TNS1: variants seen among roughly 807,000 people sequenced by gnomAD.
TNS1 encodes tensin 1, also known as tensin-1.
TNS1 carries 62 observed loss-of-function variants against 168.6 expected under a neutral mutation model. The ratio of observed to expected loss-of-function variants is 0.37; its 90% CI spans 0.30 to 0.45. The LOEUF is 0.45. Ranked by LOEUF, TNS1 falls within the 20% of genes least tolerant of loss-of-function variation. The probability of loss-of-function intolerance (pLI) is 1.00; values close to 1 mark genes in which losing one functional copy is unlikely to be tolerated. For synonymous variants in TNS1, 934 were observed against 933.2 expected, an observed-to-expected ratio of 1.00 and a Z score of -0.02; for missense variants, 2,240 against 2,339.4, an observed-to-expected ratio of 0.96 and a Z score of 0.88.
intron 1 of TNS1, among the ~76,000 whole-genome samples, chr2:218,019,450 A>AC (rs947944183): frequency 2.6e-5 from 4 of 152,226 alleles, no homozygotes; most frequent in Non-Finnish European, 4.4e-5. Flanking sequence ...GGTAGGAACT[A>AC]CCCCTAATCC....
chr2:217,966,268 C>T (rs1001402589), intron 3 of TNS1, among the ~76,000 whole-genome samples: 14 of 140,844 alleles, frequency 9.9e-5, no homozygotes, highest in African/African-American at 1.3e-4. Flanking sequence ...GAGCAGGCTG[C>T]GTGTGTGTGT....
intron 1 of TNS1, among the ~76,000 whole-genome samples, chr2:218,017,885 C>T (rs1016653170): frequency 1.3e-5 from 2 of 152,316 alleles, no homozygotes; most frequent in Non-Finnish European, 1.5e-5. Context: ...AGACGCTCCC[C>T]GCCAGAGCCC....
At position 217,832,113 on chromosome 2, in the gene TNS1, C is replaced by T. The variant is rs147652541; in HGVS notation, c.3281-566G>A. ...CAGAGCCACGCCAACCCTGAGACCTCAGGCCAGCCCTCGGCCAAGCATGTC... is the reference window on the plus strand; with the variant it reads ...CAGAGCCACGCCAACCCTGAGACCTTAGGCCAGCCCTCGGCCAAGCATGTC... On this transcript the variant is annotated intron_variant, in intron 21 of 32. Coordinates refer to ENST00000682258, the MANE Select transcript of TNS1 (RefSeq NM_001387777.1). Among the ~76,000 whole-genome samples the T allele has an allele frequency of 1.2e-3, 190 of 152,328 alleles. No individual in the cohort carries two copies. In the East Asian group the frequency reaches 0.014, roughly 11 times the overall value.
At chr2:217,878,716 T>C (rs907889197) in intron 18 of TNS1, among the ~76,000 whole-genome samples, 68 of 152,144 alleles carry the variant, frequency 4.5e-4, no homozygotes, top group African/African-American at 1.6e-3. Flanking sequence ...AAATGATTTG[T>C]TGACTGAATT....
At chr2:218,011,498 C>T, upstream of TNS1, among the ~76,000 whole-genome samples, 1 of 152,146 alleles carries the variant, frequency 6.6e-6, no homozygotes, top group Non-Finnish European at 1.5e-5. Flanking sequence ...GCCACTGGAG[C>T]CCAGCCAGAC....
In TNS1 at chr2:217,848,147, G is replaced by T. The variant is rs745579980; in HGVS notation, c.2370C>A (p.Arg790=). ...TCTCCAAGTGGGCTCTTTCCTGCTG[G>T]CGTGGAGGTGGGCGAGGCTGCTGCT... ...QQQQQPRPPP[R]QQERAHLESL... Residue 790 remains arginine, a synonymous_variant, in exon 19 of 33, where the codon CGC becomes CGA. Transcript: ENST00000682258. 169 of 1,600,728 alleles carry T rather than the reference G, an allele frequency of 1.1e-4. 1 individual carries two copies. The highest frequency in any genetic ancestry group is 9.8e-4 in the Admixed American group (58 of 58,922).
At chr2:217,856,306 G>A (rs1412504473) in intron 18 of TNS1, among the ~76,000 whole-genome samples, 2 of 152,170 alleles carry the variant, frequency 1.3e-5, no homozygotes, top group Non-Finnish European at 1.5e-5. Context: ...AGAGGGCCCC[G>A]TGGAGAACCC....
chr2:217,819,522 G>C (rs535505587), intron 23 of TNS1, among the ~76,000 whole-genome samples: 2 of 152,298 alleles, frequency 1.3e-5, no homozygotes, highest in African/African-American at 4.8e-5. Flanking sequence ...TACCAATTCT[G>C]ACTCTGAAAC....
In TNS1 at chr2:218,031,022, GTA is replaced by G. The variant is rs1195476785; in HGVS notation, c.156+2796_156+2797del. Among the ~76,000 whole-genome samples, 8 of 111,100 alleles carry G rather than the reference GTA, an allele frequency of 7.2e-5. No individual in the cohort carries two copies. The South Asian group carries it at 1.2e-3, about 16-fold the overall frequency. The allele number at this position is 111,100 out of a possible 152,430, so 72.9% of individuals were successfully genotyped here. ...AGTGTGAGTGTGGGAGTGTATGTGT[GTA>G]TGTGTGTGTATGTGAGTGAGCATGT... is the stretch of plus-strand genomic sequence containing the variant. On this transcript the variant is annotated intron_variant, in intron 1 of 1. Coordinates refer to the TNS1 transcript ENST00000649572.
At chr2:217,849,147 G>A in intron 18 of TNS1, 60 bp from the exon 19 acceptor site, 2 of 1,546,014 alleles carry the variant, frequency 1.3e-6, no homozygotes, top group Non-Finnish European at 1.7e-6. Context: ...GGAGGCAGGG[G>A]TATCATCCAC....
At chr2:217,856,319 G>A (rs1440300502) in intron 18 of TNS1, among the ~76,000 whole-genome samples, 1 of 152,188 alleles carries the variant, frequency 6.6e-6, no homozygotes, top group African/African-American at 2.4e-5. Flanking sequence ...GAGAACCCCA[G>A]CATGTGGCTC....
Position 217,893,421 on chromosome 2 carries a change from C to CACAT in TNS1, c.717+17_717+18insATGT, listed in dbSNP as rs760282532. 21 of 1,592,248 alleles carry CACAT rather than the reference C, an allele frequency of 1.3e-5. No individual in the cohort carries two copies. In the East Asian group the frequency reaches 4.7e-4, roughly 36 times the overall value. ...GCGCGCACACACACACACACACACA[C>CACAT]ACACACACAGCTCTGACCTTGTTGT... On this transcript the variant is annotated intron_variant, in intron 10 of 32. Coordinates refer to ENST00000682258, the MANE Select transcript of TNS1 (RefSeq NM_001387777.1).
chr2:217,882,939 G>A (rs548189803), intron 16 of TNS1, among the ~76,000 whole-genome samples: 65 of 152,234 alleles, frequency 4.3e-4, no homozygotes, highest in South Asian at 1.5e-3. Flanking sequence ...GGGACTACAG[G>A]TGCAAGCCAC....
upstream of TNS1, among the ~76,000 whole-genome samples, chr2:218,003,484 C>T (rs532612632): frequency 2.6e-5 from 4 of 152,210 alleles, no homozygotes; most frequent in South Asian, 2.1e-4. Flanking sequence ...TTTGCACACA[C>T]AGACTGGGAC....
chr2:217,870,952 A>G (rs1333929739), intron 18 of TNS1, among the ~76,000 whole-genome samples: 1 of 152,164 alleles, frequency 6.6e-6, no homozygotes, highest in Non-Finnish European at 1.5e-5. Flanking sequence ...TGAATTCTCA[A>G]GACTAATTGT....
intron 22 of TNS1, chr2:217,830,509 G>T: frequency 8.4e-7 from 1 of 1,188,382 alleles, no homozygotes; most frequent in Non-Finnish European, 1.2e-6. Context: ...AGGGAGCCCT[G>T]TCTCCCTCCA....
At chr2:217,805,440 A>C (rs1938350172) in intron 32 of TNS1, among the ~76,000 whole-genome samples, 1 of 56,590 alleles carries the variant, frequency 1.8e-5, no homozygotes, top group Admixed American at 2.0e-4. Context: ...CATGCACCAC[A>C]CACATACACA....
chr2:217,858,406 C>G, intron 18 of TNS1: 2 of 603,352 alleles, frequency 3.3e-6, no homozygotes, highest in Non-Finnish European at 4.2e-6. Context: ...CCTCCCAGCA[C>G]AGAAGCACGA....
chr2:217,849,145 G>A, intron 18 of TNS1, 58 bp from the exon 19 acceptor site: 1 of 1,552,282 alleles, frequency 6.4e-7, no homozygotes, highest in Non-Finnish European at 8.7e-7. Flanking sequence ...CGGGAGGCAG[G>A]GGTATCATCC....
Sources: allele counts gnomAD v4.1 joint callset (sites outside exome capture counted in the v4.1 genomes callset), GRCh38; gene constraint gnomAD v4.1.1; transcripts MANE v1.5; gene names NCBI Gene and HGNC (gene_info 2026-07-23, HGNC 2026-07-21).